The following RBFOX1 variants were observed in gnomAD, a reference collection of about 807,000 sequenced individuals.
The protein encoded by RBFOX1 is RNA binding protein fox-1 homolog 1.
In RBFOX1, 8 loss-of-function variants were observed where a neutral mutation model predicts 57.7. That is an observed-to-expected ratio of 0.14 (90% CI 0.08 to 0.25). RBFOX1 has a LOEUF of 0.25. Among genes scored for constraint, RBFOX1 ranks in the 10% least tolerant of loss-of-function variants. RBFOX1 has a pLI of 1.00. For synonymous variants in RBFOX1, 326 were observed against 222.4 expected, an observed-to-expected ratio of 1.47 and a Z score of -4.15; for missense variants, 611 against 548.5, an observed-to-expected ratio of 1.11 and a Z score of -1.14.
rs370062562 is a variant in RBFOX1, at chr16:7,073,577, T to C, written c.27+21479T>C. On this transcript the variant is annotated intron_variant, in intron 4 of 15. Coordinates refer to ENST00000550418, the MANE Select transcript of RBFOX1 (RefSeq NM_018723.4). The stretch of plus-strand genomic sequence containing the variant: ...TAAATACCATGGCTGGTGTGGAGGC[T>C]CACACGTGTAATCCCAGCCCCTTTG... Among the ~76,000 whole-genome samples, 63 of 152,280 alleles carry C rather than the reference T, an allele frequency of 4.1e-4. 1 individual carries two copies. Among genetic ancestry groups the C allele is most frequent in the African/African-American group, 1.5e-3 (62 of 41,576 alleles).
At chr16:6,741,391 G>T (rs2072061224) in intron 3 of RBFOX1, among the ~76,000 whole-genome samples, 1 of 152,052 alleles carries the variant, frequency 6.6e-6, no homozygotes. Context: ...GGCTGGACGG[G>T]GTGGCTCATG....
intron 1 of RBFOX1, among the ~76,000 whole-genome samples, chr16:6,234,764 T>C (rs1464675318): frequency 6.6e-6 from 1 of 152,126 alleles, no homozygotes; most frequent in Non-Finnish European, 1.5e-5. Flanking sequence ...TGGTTGAGGT[T>C]ACATGGATCT....
At position 6,035,409 on chromosome 16, in the gene RBFOX1, A is replaced by C. The variant is rs1259192948; in HGVS notation, c.-127+15417A>C. 2.0e-5 allele frequency among the ~76,000 whole-genome samples: 3 copies of C among 152,208 alleles called. No homozygotes were observed. In the East Asian group the frequency reaches 5.8e-4, roughly 29 times the overall value. ...AGGAAGAAACAAGACGGTATTACTC[A>C]AACCATTTCATCCTCCATTCGATCA... is the stretch of plus-strand genomic sequence containing the variant. On this transcript the variant is annotated intron_variant, in intron 1 of 15. Transcript: ENST00000550418.
At chr16:6,047,838 A>G (rs1467716470) in intron 1 of RBFOX1, among the ~76,000 whole-genome samples, 1 of 152,160 alleles carries the variant, frequency 6.6e-6, no homozygotes, top group African/African-American at 2.4e-5. Context: ...GGCTGTGCCT[A>G]TTTTATGCAT....
intron 3 of RBFOX1, among the ~76,000 whole-genome samples, chr16:6,919,227 C>A (rs184398802): frequency 1.3e-3 from 196 of 152,158 alleles, no homozygotes; most frequent in Non-Finnish European, 2.0e-3. Flanking sequence ...AGGTGATCCG[C>A]CCGCCTCAGC....
chr16:6,836,791 T>G (rs952051773), intron 3 of RBFOX1, among the ~76,000 whole-genome samples: 3 of 152,170 alleles, frequency 2.0e-5, no homozygotes, highest in African/African-American at 7.2e-5. Flanking sequence ...ATTTCTGTAA[T>G]TAGAAAGTAC....
intron 4 of RBFOX1, among the ~76,000 whole-genome samples, chr16:7,265,227 T>C (rs2153085710): frequency 1.3e-5 from 2 of 152,022 alleles, no homozygotes; most frequent in South Asian, 2.1e-4. Context: ...TCTTTTCTCT[T>C]GCAGATCTGG....
rs55763325 is a variant in RBFOX1, at chr16:5,856,335, TTATA to T, written c.319-10953_319-10950del. On this transcript the variant is annotated intron_variant, in intron 3 of 19. Coordinates refer to the RBFOX1 transcript ENST00000641259. ...CATATATATAGGGAAAACTGTTATA[TTATA>T]TATATATATATATAATGTTATGATT... Among the ~76,000 whole-genome samples, 761 of 104,478 alleles carry T rather than the reference TTATA, an allele frequency of 7.3e-3. 17 individuals are homozygous for T. Among genetic ancestry groups the T allele is most frequent in the Middle Eastern group, 0.026 (5 of 194 alleles). The allele number at this position is 104,478 out of a possible 152,430, so 68.5% of individuals were successfully genotyped here.
chr16:7,031,236 C>T (rs556406468), intron 3 of RBFOX1, among the ~76,000 whole-genome samples: 1 of 152,122 alleles, frequency 6.6e-6, no homozygotes, highest in Non-Finnish European at 1.5e-5. Flanking sequence ...ATCCTGACTC[C>T]TCTATTTACT....
intron 3 of RBFOX1, among the ~76,000 whole-genome samples, chr16:6,907,291 C>T (rs920119351): frequency 6.6e-6 from 1 of 152,208 alleles, no homozygotes; most frequent in East Asian, 1.9e-4. Context: ...TCATCTTTAC[C>T]GATGTGCCTC....
chr16:5,778,466 G>T (rs924656277), intron 3 of RBFOX1, among the ~76,000 whole-genome samples: 1 of 152,106 alleles, frequency 6.6e-6, no homozygotes, highest in African/African-American at 2.4e-5. Context: ...TTCAAACAAA[G>T]CAGTCACTTC....
intron 2 of RBFOX1, among the ~76,000 whole-genome samples, chr16:6,489,160 A>G (rs964867593): frequency 6.6e-6 from 1 of 152,134 alleles, no homozygotes; most frequent in Non-Finnish European, 1.5e-5. Context: ...GGAAAATGAA[A>G]TTTCTTTCCT....
intron 3 of RBFOX1, among the ~76,000 whole-genome samples, chr16:5,821,603 C>G (rs777907280): frequency 6.6e-6 from 1 of 152,136 alleles, no homozygotes; most frequent in African/African-American, 2.4e-5. Context: ...ATGTCTGGTT[C>G]TTTATTATTA....
At chr16:6,939,562 G>A (rs1250951557) in intron 3 of RBFOX1, among the ~76,000 whole-genome samples, 2 of 149,720 alleles carry the variant, frequency 1.3e-5, no homozygotes, top group Admixed American at 1.3e-4. Flanking sequence ...GCAGGCTGGA[G>A]TTCAGTGGGA....
intron 4 of RBFOX1, among the ~76,000 whole-genome samples, chr16:7,057,384 G>C (rs2052674761): frequency 6.6e-6 from 1 of 152,174 alleles, no homozygotes; most frequent in Non-Finnish European, 1.5e-5. Context: ...CGTATGTCTT[G>C]CTCATCTCCT....
At chr16:7,563,326 G>C (rs1391998433) in intron 5 of RBFOX1, among the ~76,000 whole-genome samples, 1 of 152,152 alleles carries the variant, frequency 6.6e-6, no homozygotes, top group African/African-American at 2.4e-5. Flanking sequence ...CTAGATAAAG[G>C]TAATGAGACA....
At chr16:7,482,663 G>C (rs1468060762) in intron 4 of RBFOX1, among the ~76,000 whole-genome samples, 5 of 149,966 alleles carry the variant, frequency 3.3e-5, no homozygotes, top group Non-Finnish European at 5.9e-5. Flanking sequence ...GCTGTGACAG[G>C]CATTTCTTAT....
At chr16:7,464,956 C>G (rs2150693285) in intron 4 of RBFOX1, among the ~76,000 whole-genome samples, 1 of 152,042 alleles carries the variant, frequency 6.6e-6, no homozygotes, top group South Asian at 2.1e-4. Flanking sequence ...CTCGGCCTCC[C>G]AAAGTGCTGC....
chr16:6,702,621 C>G (rs903117188), intron 3 of RBFOX1, among the ~76,000 whole-genome samples: 1 of 152,026 alleles, frequency 6.6e-6, no homozygotes, highest in Non-Finnish European at 1.5e-5. Flanking sequence ...CTGCTGAAGA[C>G]TAAATGAGGT....
Sources: allele counts gnomAD v4.1 joint callset (sites outside exome capture counted in the v4.1 genomes callset), GRCh38; gene constraint gnomAD v4.1.1; transcripts MANE v1.5; gene names NCBI Gene and HGNC (gene_info 2026-07-23, HGNC 2026-07-21).